Variants in FGD4 observed in about 807,000 individuals in gnomAD.
The protein encoded by FGD4 is FYVE, RhoGEF and PH domain containing 4, also known as FYVE, RhoGEF and PH domain-containing protein 4.
FGD4 carries 42 observed loss-of-function variants against 102.0 expected under a neutral mutation model. The ratio of observed to expected loss-of-function variants is 0.41; its 90% CI spans 0.32 to 0.53. The LOEUF (loss-of-function observed/expected upper bound fraction) is 0.53. FGD4 is among the 20% of genes least tolerant of loss of function. The pLI is 0.21. For missense variants in FGD4, 902 were observed against 1,078.2 expected (o/e 0.84, Z 2.29); for synonymous variants, 380 against 375.7 (o/e 1.01, Z -0.13).
intron 1 of FGD4, among the ~76,000 whole-genome samples, chr12:32,410,432 C>T (rs1941156346): frequency 6.6e-6 from 1 of 151,986 alleles, no homozygotes; most frequent in Admixed American, 6.6e-5. Flanking sequence ...CTGCAGTGAC[C>T]TGTGATCACA....
At chr12:32,539,699 C>T (rs997520041) in intron 1 of FGD4, among the ~76,000 whole-genome samples, 1 of 146,728 alleles carries the variant, frequency 6.8e-6, no homozygotes, top group African/African-American at 2.6e-5. Context: ...AATCTGTAGC[C>T]AACAGTTAAT....
At chr12:32,465,160 A>G (rs1377501035) in intron 1 of FGD4, among the ~76,000 whole-genome samples, 1 of 152,228 alleles carries the variant, frequency 6.6e-6, no homozygotes, top group Non-Finnish European at 1.5e-5. Context: ...CTGAAAATTC[A>G]CATATAACTT....
chr12:32,637,037 AT>A (rs1349791024), intron 15 of FGD4, among the ~76,000 whole-genome samples: 1,513 of 126,464 alleles, frequency 0.012, 17 homozygotes, highest in African/African-American at 0.042. Flanking sequence ...CACCTGGCTA[AT>A]TTTTTTCTTC....
intron 2 of FGD4, among the ~76,000 whole-genome samples, chr12:32,574,501 C>G (rs1433411220): frequency 6.6e-6 from 1 of 152,066 alleles, no homozygotes; most frequent in African/African-American, 2.4e-5. Flanking sequence ...AAATATTACA[C>G]TTATATAAGC....
chr12:32,600,292 C>T (rs1948291368), intron 5 of FGD4: 2 of 262,022 alleles, frequency 7.6e-6, no homozygotes, highest in Non-Finnish European at 1.4e-5. Context: ...TTTCTAAAGC[C>T]AAATAACTCG....
rs1940566381 is a variant in FGD4 at position 32,399,725 on chromosome 12, C to T, written c.-69C>T. On this transcript the variant is annotated 5_prime_UTR_variant, in exon 1 of 17. Coordinates refer to ENST00000534526, the MANE Select transcript of FGD4 (RefSeq NM_001370298.3). ...GCCGAACCTGGGCATGCAGGCGACG[C>T]CCCCCAGGGGCCGCTCGCGGCTGGA... 1.2e-5 allele frequency: 18 copies of T among 1,500,500 alleles called. 1 individual carries two copies. In the South Asian group the frequency reaches 2.0e-4, roughly 17 times the overall value. The allele number at this position is 1,500,500 out of a possible 1,614,324, so 92.9% of individuals were successfully genotyped here. A position where few individuals can be genotyped will look rare whatever the true frequency, so the allele number is the denominator to read the frequency against.
chr12:32,444,469 A>G (rs954783359), intron 1 of FGD4, among the ~76,000 whole-genome samples: 4 of 152,022 alleles, frequency 2.6e-5, no homozygotes, highest in African/African-American at 9.6e-5. Context: ...CAGTGGTGCA[A>G]TCTCGGCTCA....
intron 1 of FGD4, among the ~76,000 whole-genome samples, chr12:32,430,720 C>T (rs901692516): frequency 6.6e-5 from 10 of 152,218 alleles, no homozygotes; most frequent in African/African-American, 2.4e-4. Flanking sequence ...GTAAGCCTTT[C>T]CCCACTCTTT....
chr12:32,419,385 C>T (rs1480728081), intron 1 of FGD4, among the ~76,000 whole-genome samples: 3 of 152,194 alleles, frequency 2.0e-5, no homozygotes, highest in Non-Finnish European at 2.9e-5. Context: ...GGCCTTGGCG[C>T]TCTTTAGTCA....
At chr12:32,496,751 A>G (rs1468931964) in intron 1 of FGD4, among the ~76,000 whole-genome samples, 1 of 152,230 alleles carries the variant, frequency 6.6e-6, no homozygotes, top group Non-Finnish European at 1.5e-5. Flanking sequence ...TAAAATATCT[A>G]GATTCCAATT....
intron 1 of FGD4, among the ~76,000 whole-genome samples, chr12:32,483,929 A>G (rs566377109): frequency 1.3e-5 from 2 of 152,280 alleles, no homozygotes; most frequent in Middle Eastern, 3.4e-3. Context: ...CAGCTTTTAA[A>G]GTTTATGAAA....
Position 32,593,839 on chromosome 12 carries a change from C to T in FGD4, c.1012-4658C>T, listed in dbSNP as rs74609455. Among the ~76,000 whole-genome samples, 396 of 152,288 alleles carry T rather than the reference C, an allele frequency of 2.6e-3. 2 individuals carry two copies. The highest frequency in any genetic ancestry group is 9.0e-3 in the African/African-American group (372 of 41,548). ...AGTCAAAACGATACATCAGCACTATCAGAATAAAACCAAGGTCTTGAAAAG... is the reference window on the plus strand; with the variant it reads ...AGTCAAAACGATACATCAGCACTATTAGAATAAAACCAAGGTCTTGAAAAG... On this transcript the variant is annotated intron_variant, in intron 4 of 16. Transcript: ENST00000534526.
At chr12:32,484,435 G>C (rs1021131496) in intron 1 of FGD4, among the ~76,000 whole-genome samples, 3 of 152,158 alleles carry the variant, frequency 2.0e-5, no homozygotes, top group Non-Finnish European at 4.4e-5. Flanking sequence ...GTTGAGCTGA[G>C]TCTAGGTATT....
chr12:32,564,263 A>T lies in FGD4; in HGVS notation c.293A>T (p.His98Leu), dbSNP rs1367337112. Residue 98 changes from histidine to leucine, a missense_variant, in exon 2 of 17, where the codon CAC becomes CTC. Physicochemically the swap from His to Leu is moderately conservative, Grantham distance 99. This residue lies in a region of FGD4 where 443 missense variants were observed against 459.2 expected (regional missense o/e 0.96). Coordinates refer to ENST00000534526, the MANE Select transcript of FGD4 (RefSeq NM_001370298.3). ...QGINGNRPAK[H>L]SAASPKPQVP... ...ATAAATGGGAACAGGCCAGCAAAAC[A>T]CTCAGCTGCAAGTCCAAAGCCACAA... 1 of 1,536,006 alleles carries T rather than the reference A, an allele frequency of 6.5e-7. No homozygotes were observed. The highest frequency in any genetic ancestry group is 2.4e-5 in the East Asian group (1 of 40,896).
intron 1 of FGD4, among the ~76,000 whole-genome samples, chr12:32,419,098 C>A (rs1488503688): frequency 6.6e-6 from 1 of 152,134 alleles, no homozygotes; most frequent in Non-Finnish European, 1.5e-5. Flanking sequence ...CTGGGACTCA[C>A]CTTTTGGCTC....
chr12:32,445,334 A>G (rs1193222384), intron 1 of FGD4, among the ~76,000 whole-genome samples: 1 of 152,218 alleles, frequency 6.6e-6, no homozygotes, highest in Admixed American at 6.5e-5. Flanking sequence ...AAAAGTCCTC[A>G]TTGAGATTTT....
chr12:32,620,095 T>C (rs1949715861), intron 11 of FGD4, among the ~76,000 whole-genome samples: 1 of 152,128 alleles, frequency 6.6e-6, no homozygotes, highest in Non-Finnish European at 1.5e-5. Context: ...CAATAAGCAT[T>C]CAGTAAATTG....
rs761410695 is a variant in FGD4 at position 32,645,183 on chromosome 12, C to A, written c.*4650C>A. On this transcript the variant is annotated 3_prime_UTR_variant, in exon 17 of 17. Transcript: ENST00000534526. The stretch of plus-strand genomic sequence containing the variant: ...TGGGAAGAAACTAGTCTGTGGGGAC[C>A]ATTATAAGAGAATCACATTATATAT... The A allele has an allele frequency of 6.6e-5, 10 of 151,892 alleles. No homozygotes were observed. Among genetic ancestry groups the A allele is most frequent in the Non-Finnish European group, 1.3e-4 (9 of 68,008 alleles). 9.4% of individuals were successfully genotyped at this position (151,892 alleles called of 1,614,324 possible). A position where few individuals can be genotyped will look rare whatever the true frequency, so the allele number is the denominator to read the frequency against.
intron 7 of FGD4, among the ~76,000 whole-genome samples, chr12:32,607,015 A>C (rs974401629): frequency 2.6e-5 from 4 of 152,196 alleles, no homozygotes; most frequent in Non-Finnish European, 4.4e-5. Context: ...CTTATTATCA[A>C]ATAGTTTCTG....
Sources: gnomAD v4.1 joint callset for allele counts (sites outside exome capture counted in the v4.1 genomes callset) on GRCh38, gnomAD v4.1.1 for gene constraint, gnomAD v4.1.1 regional missense constraint, MANE v1.5 for transcripts, NCBI Gene and HGNC (gene_info 2026-07-23, HGNC 2026-07-21) for gene names.